The following PTPA variants were observed in gnomAD, a reference collection of about 807,000 sequenced individuals.
PTPA encodes the protein protein phosphatase 2 phosphatase activator.
PTPA carries 13 observed loss-of-function variants against 43.6 expected under a neutral mutation model. That is an observed-to-expected ratio of 0.30 (90% CI 0.19 to 0.47). The LOEUF (loss-of-function observed/expected upper bound fraction) is 0.47. Among genes scored for constraint, PTPA ranks in the 20% least tolerant of loss-of-function variants. The pLI is 0.99. For synonymous variants in PTPA, 172 were observed against 158.2 expected (o/e 1.09, Z -0.66); for missense variants, 329 against 411.9 (o/e 0.80, Z 1.74).
rs779081648 is a variant in PTPA, at chr9:129,148,836, C to T, written c.*1372C>T. On this transcript the variant is annotated 3_prime_UTR_variant, in exon 10 of 10. Transcript: ENST00000393370. Reference sequence around the variant, plus strand: ...TTCTCAGAAGAGGCCCAGCGTCCACCTCTCTCCCAGGGCCAGACAGCCCTT... The same window carrying T: ...TTCTCAGAAGAGGCCCAGCGTCCACTTCTCTCCCAGGGCCAGACAGCCCTT... 2 of 152,832 alleles carry T rather than the reference C, an allele frequency of 1.3e-5. No individual in the cohort carries two copies. The highest frequency in any genetic ancestry group is 1.5e-5 in the Non-Finnish European group (1 of 68,252). 9.5% of individuals were successfully genotyped at this position (152,832 alleles called of 1,614,324 possible). A position where few individuals can be genotyped will look rare whatever the true frequency, so the allele number is the denominator to read the frequency against.
chr9:129,142,322 TTGTGTGCGTGTGCGTTTGTGTG>T (rs939400125), intron 8 of PTPA, 101 bp from the exon 9 acceptor site: 35 of 856,640 alleles, frequency 4.1e-5, no homozygotes, highest in Admixed American at 5.9e-5. Flanking sequence ...TGCGCGTGCA[TTGTGTGCGTGTGCGTTTGTGTG>T]TGTGTGTGTG....
intron 3 of PTPA, among the ~76,000 whole-genome samples, chr9:129,126,264 G>A (rs1588501933): frequency 6.6e-6 from 1 of 151,912 alleles, no homozygotes; most frequent in Non-Finnish European, 1.5e-5. Context: ...TACGATCTCG[G>A]CTCACCACAA....
At position 129,128,792 on chromosome 9, in the gene PTPA, C is replaced by T. The variant is rs542765396; in HGVS notation, c.217-193C>T. ...TGTCCCATCAGCCTAGTGTGCTTCC[C>T]TCTCTGGAAAGCCTATCATGCTCTC... On this transcript the variant is annotated intron_variant, in intron 3 of 9. Coordinates refer to ENST00000393370, the MANE Select transcript of PTPA (RefSeq NM_178000.3). 3.3e-5 allele frequency among the ~76,000 whole-genome samples: 5 copies of T among 152,314 alleles called. No individual in the cohort carries two copies. The East Asian group carries it at 9.6e-4, about 29-fold the overall frequency.
At chr9:129,142,901 G>A in intron 9 of PTPA, 1 of 1,486,826 alleles carries the variant, frequency 6.7e-7, no homozygotes. Flanking sequence ...GGCAGTCTGA[G>A]TCTGGCTCTC....
chr9:129,140,386 C>T (rs1002384697), intron 8 of PTPA, among the ~76,000 whole-genome samples: 1 of 152,206 alleles, frequency 6.6e-6, no homozygotes, highest in South Asian at 2.1e-4. Context: ...TAGGGAGACC[C>T]TGGGGTACTG....
Position 129,111,494 on chromosome 9 carries a change from C to A in PTPA, c.-107C>A, listed in dbSNP as rs1364751885. 50 of 1,265,246 alleles carry A rather than the reference C, an allele frequency of 4.0e-5. No individual in the cohort carries two copies. The highest frequency in any genetic ancestry group is 4.7e-5 in the Non-Finnish European group (47 of 997,156). The allele number at this position is 1,265,246 out of a possible 1,614,324, so 78.4% of individuals were successfully genotyped here. A position where few individuals can be genotyped will look rare whatever the true frequency, so the allele number is the denominator to read the frequency against. ...TAGCCGGCCGGCGCTCACTTGTCTT[C>A]AGGAAGCTCGGAGCCTTTGGTGGAG... is the stretch of plus-strand genomic sequence containing the variant. On this transcript the variant is annotated 5_prime_UTR_variant, in exon 1 of 10. Transcript: ENST00000393370.
chr9:129,137,864 C>G lies in PTPA; in HGVS notation c.786+172C>G, dbSNP rs1165452120. The G allele has an allele frequency of 7.4e-6, 5 of 674,964 alleles. No homozygotes were observed. The Admixed American group carries it at 1.1e-4, about 15-fold the overall frequency. The allele number at this position is 674,964 out of a possible 1,614,324, so 41.8% of individuals were successfully genotyped here. On this transcript the variant is annotated intron_variant, in intron 8 of 9. Coordinates refer to ENST00000393370, the MANE Select transcript of PTPA (RefSeq NM_178000.3). Reference sequence around the variant, plus strand: ...CACTGGGCCTCTTCCGAAAGAGCCGCTGCTGACTGTCAGGTCCTCCGCCCA... The same window carrying G: ...CACTGGGCCTCTTCCGAAAGAGCCGGTGCTGACTGTCAGGTCCTCCGCCCA...
intron 8 of PTPA, among the ~76,000 whole-genome samples, chr9:129,141,055 A>T (rs10988224): frequency 0.59 from 90,021 of 151,674 alleles, 28,673 homozygotes; most frequent in Non-Finnish European, 0.7. Flanking sequence ...GAGGGGAGGG[A>T]GGAGCCTGTT....
chr9:129,114,918 C>A (rs1848767926), intron 1 of PTPA, among the ~76,000 whole-genome samples: 1 of 152,198 alleles, frequency 6.6e-6, no homozygotes, highest in Non-Finnish European at 1.5e-5. Context: ...GGTAAGGTAG[C>A]CTTTTCCCAA....
At chr9:129,128,890 C>T in intron 3 of PTPA, 95 bp from the exon 4 acceptor site, 7 of 1,501,340 alleles carry the variant, frequency 4.7e-6, no homozygotes, top group Non-Finnish European at 5.5e-6. Flanking sequence ...GGGGCCATGC[C>T]AAGGGGTCAT....
intron 8 of PTPA, 150 bp from the exon 9 acceptor site, chr9:129,142,295 C>G: frequency 1.6e-6 from 1 of 643,818 alleles, no homozygotes; most frequent in African/African-American, 1.8e-5. Flanking sequence ...GATGCTATAG[C>G]TTGGTCCCCA....
chr9:129,136,730 A>T, intron 7 of PTPA, 135 bp downstream of exon 7: 1 of 1,176,746 alleles, frequency 8.5e-7, no homozygotes, highest in Non-Finnish European at 1.1e-6. Context: ...AAAGCAGGGC[A>T]TTAGACCAGC....
chr9:129,127,970 A>G (rs1488195379), intron 3 of PTPA: 1 of 1,333,832 alleles, frequency 7.5e-7, no homozygotes, highest in African/African-American at 1.5e-5. Context: ...GTAGATGTGG[A>G]ATGAGGTTCA....
intron 1 of PTPA, among the ~76,000 whole-genome samples, chr9:129,117,427 G>A (rs935434106): frequency 1.3e-4 from 20 of 151,314 alleles, no homozygotes; most frequent in African/African-American, 4.6e-4. Context: ...AATTTGAGAC[G>A]GAGTCTTGCT....
intron 1 of PTPA, among the ~76,000 whole-genome samples, chr9:129,120,256 T>C (rs1004166584): frequency 8.1e-5 from 8 of 99,358 alleles, no homozygotes; most frequent in Middle Eastern, 5.1e-3. Flanking sequence ...AGACTCTGTC[T>C]CAAAGAAAAA....
intron 9 of PTPA, among the ~76,000 whole-genome samples, chr9:129,144,840 C>T (rs1025970319): frequency 6.6e-6 from 1 of 151,772 alleles, no homozygotes; most frequent in Non-Finnish European, 1.5e-5. Context: ...CGAGACCAAC[C>T]TGGGCAACAT....
At chr9:129,115,415 C>T (rs1041500574) in intron 1 of PTPA, among the ~76,000 whole-genome samples, 64 of 152,228 alleles carry the variant, frequency 4.2e-4, no homozygotes, top group African/African-American at 1.5e-3. Flanking sequence ...TATCCTTCTC[C>T]TTAGGTCTCC....
chr9:129,144,610 G>A (rs1397082407), intron 9 of PTPA, among the ~76,000 whole-genome samples: 2 of 151,776 alleles, frequency 1.3e-5, no homozygotes, highest in Non-Finnish European at 2.9e-5. Context: ...GTGGTGGCGG[G>A]TGCCTGTAGT....
chr9:129,145,339 A>C (rs1206144634), intron 9 of PTPA, among the ~76,000 whole-genome samples: 2 of 152,144 alleles, frequency 1.3e-5, no homozygotes, highest in Non-Finnish European at 2.9e-5. Context: ...AGGAAAAAAA[A>C]AAAAAAAGAT....
Sources: allele counts gnomAD v4.1 joint callset (sites outside exome capture counted in the v4.1 genomes callset), GRCh38; gene constraint gnomAD v4.1.1; transcripts MANE v1.5; gene names NCBI Gene and HGNC (gene_info 2026-07-23, HGNC 2026-07-21).